The following RBFOX1 variants were observed in gnomAD, a reference collection of about 807,000 sequenced individuals.
RBFOX1 encodes the protein RNA binding protein fox-1 homolog 1.
RBFOX1 carries 8 observed loss-of-function variants against 57.7 expected under a neutral mutation model. That is an observed-to-expected ratio of 0.14 (90% CI 0.08 to 0.25). The LOEUF is 0.25. RBFOX1 is among the 10% of genes least tolerant of loss of function. The pLI is 1.00. For synonymous variants in RBFOX1, 326 were observed against 222.4 expected (o/e 1.47, Z -4.15); for missense variants, 611 against 548.5 (o/e 1.11, Z -1.14).
chr16:6,393,977 A>G (rs2092713641), intron 2 of RBFOX1, among the ~76,000 whole-genome samples: 1 of 152,226 alleles, frequency 6.6e-6, no homozygotes, highest in Admixed American at 6.5e-5. Context: ...TCCAACAAGA[A>G]TCTTGGAAGG....
chr16:5,575,858 A>T (rs1413751871), intron 2 of RBFOX1, among the ~76,000 whole-genome samples: 1 of 151,814 alleles, frequency 6.6e-6, no homozygotes, highest in Non-Finnish European at 1.5e-5. Flanking sequence ...TTCAAAAAAA[A>T]AATAGCATCA....
chr16:5,891,959 A>G (rs1338705549), intron 4 of RBFOX1, among the ~76,000 whole-genome samples: 1 of 152,214 alleles, frequency 6.6e-6, no homozygotes, highest in Non-Finnish European at 1.5e-5. Context: ...TTGTGGGACA[A>G]ACTCTCACTT....
At chr16:7,612,060 G>T (rs182233395) in intron 10 of RBFOX1, among the ~76,000 whole-genome samples, 1 of 151,998 alleles carries the variant, frequency 6.6e-6, no homozygotes, top group African/African-American at 2.4e-5. Flanking sequence ...GGTGGCTCAC[G>T]CCTGTAATCC....
At chr16:7,682,333 C>A (rs773819690) in intron 14 of RBFOX1, among the ~76,000 whole-genome samples, 11 of 151,950 alleles carry the variant, frequency 7.2e-5, no homozygotes, top group South Asian at 2.1e-4. Flanking sequence ...ATTCTCAGAT[C>A]AACAAGGAAC....
intron 2 of RBFOX1, among the ~76,000 whole-genome samples, chr16:6,374,696 A>G (rs912722336): frequency 2.6e-5 from 4 of 152,202 alleles, no homozygotes; most frequent in African/African-American, 9.6e-5. Flanking sequence ...TTTCCCATTC[A>G]GCTATAAGAA....
At chr16:7,161,696 G>A (rs550756875) in intron 4 of RBFOX1, among the ~76,000 whole-genome samples, 2 of 152,158 alleles carry the variant, frequency 1.3e-5, no homozygotes, top group African/African-American at 2.4e-5. Flanking sequence ...TTTTTCTAGT[G>A]AGGGTTTCTG....
At chr16:6,769,981 C>G (rs530942004) in intron 3 of RBFOX1, among the ~76,000 whole-genome samples, 29 of 152,240 alleles carry the variant, frequency 1.9e-4, no homozygotes, top group African/African-American at 5.5e-4. Flanking sequence ...GCTACAGGTC[C>G]TTTATGAGAT....
intron 4 of RBFOX1, among the ~76,000 whole-genome samples, chr16:5,904,765 C>T (rs1455519281): frequency 1.3e-5 from 2 of 151,696 alleles, no homozygotes; most frequent in South Asian, 2.1e-4. Flanking sequence ...ATCACGAGGT[C>T]AGGAGATCAA....
intron 2 of RBFOX1, among the ~76,000 whole-genome samples, chr16:5,563,458 A>T (rs2045956435): frequency 6.6e-6 from 1 of 152,172 alleles, no homozygotes; most frequent in African/African-American, 2.4e-5. Flanking sequence ...GGAATATTTT[A>T]TTTTCTGAAA....
intron 3 of RBFOX1, among the ~76,000 whole-genome samples, chr16:5,619,228 A>T (rs1032243512): frequency 6.6e-6 from 1 of 152,062 alleles, no homozygotes; most frequent in African/African-American, 2.4e-5. Context: ...CCCACTAAGG[A>T]GTGTGTAGGG....
intron 3 of RBFOX1, among the ~76,000 whole-genome samples, chr16:5,677,204 G>C (rs2050194290): frequency 6.6e-6 from 1 of 152,180 alleles, no homozygotes; most frequent in Non-Finnish European, 1.5e-5. Flanking sequence ...CTTTCTAAAA[G>C]ACCAGAGATA....
In RBFOX1 at chr16:6,346,393, A is replaced by G. The variant is rs1048668992; in HGVS notation, c.-64+29336A>G. ...AGTATGTGAACTAAGTGAAAGCCTA[A>G]CTTGGGAATGTGAGTCTGTAACAGG... On this transcript the variant is annotated intron_variant, in intron 2 of 15. Coordinates refer to ENST00000550418, the MANE Select transcript of RBFOX1 (RefSeq NM_018723.4). Among the ~76,000 whole-genome samples, 26 of 152,312 alleles carry G rather than the reference A, an allele frequency of 1.7e-4. 1 individual carries two copies. Among genetic ancestry groups the G allele is most frequent in the South Asian group, 8.3e-4 (4 of 4,820 alleles).
chr16:6,349,757 C>G (rs1180206210), intron 2 of RBFOX1, among the ~76,000 whole-genome samples: 2 of 152,166 alleles, frequency 1.3e-5, no homozygotes, highest in Non-Finnish European at 2.9e-5. Flanking sequence ...GGCTAATTGT[C>G]AAGTGGAGGG....
At chr16:5,898,462 T>G (rs2152173043) in intron 4 of RBFOX1, among the ~76,000 whole-genome samples, 1 of 151,714 alleles carries the variant, frequency 6.6e-6, no homozygotes, top group African/African-American at 2.4e-5. Context: ...TAGAGAATAA[T>G]CCACTGTCCT....
intron 3 of RBFOX1, among the ~76,000 whole-genome samples, chr16:6,758,226 G>C (rs866245282): frequency 6.6e-6 from 1 of 151,988 alleles, no homozygotes; most frequent in African/African-American, 2.4e-5. Flanking sequence ...TTGAGATATT[G>C]GGAAGCTACT....
chr16:6,299,361 A>G (rs955547183), intron 1 of RBFOX1, among the ~76,000 whole-genome samples: 3 of 152,166 alleles, frequency 2.0e-5, no homozygotes, highest in Non-Finnish European at 2.9e-5. Context: ...ATTCTTTTAA[A>G]TTCATCAATT....
chr16:7,334,192 G>T (rs1001664795), intron 4 of RBFOX1, among the ~76,000 whole-genome samples: 5 of 152,072 alleles, frequency 3.3e-5, no homozygotes, highest in Non-Finnish European at 7.3e-5. Context: ...TCATCTGGGG[G>T]TGATTCCAAG....
intron 4 of RBFOX1, among the ~76,000 whole-genome samples, chr16:7,454,913 T>A (rs2058187273): frequency 6.6e-6 from 1 of 152,230 alleles, no homozygotes; most frequent in Non-Finnish European, 1.5e-5. Context: ...TCACACTTTA[T>A]ATTTGGCCAG....
rs115421122 is a variant in RBFOX1 at position 7,157,692 on chromosome 16, T to C, written c.27+105594T>C. ...CTCTACACGCCATAGCCACTCTACA[T>C]GCAGTCCCACGCATCACCTCATTTT... On this transcript the variant is annotated intron_variant, in intron 4 of 15. Transcript: ENST00000550418. Among the ~76,000 whole-genome samples, 702 of 152,278 alleles carry C rather than the reference T, an allele frequency of 4.6e-3. 8 individuals carry two copies. Among genetic ancestry groups the C allele is most frequent in the African/African-American group, 0.016 (678 of 41,548 alleles).
Sources: gnomAD v4.1 joint callset for allele counts (sites outside exome capture counted in the v4.1 genomes callset) on GRCh38, gnomAD v4.1.1 for gene constraint, MANE v1.5 for transcripts, NCBI Gene and HGNC (gene_info 2026-07-23, HGNC 2026-07-21) for gene names.